SUMF2: variants seen among roughly 807,000 people sequenced by gnomAD.
The protein encoded by SUMF2 is inactive C-alpha-formylglycine-generating enzyme 2.
SUMF2 carries 45 observed loss-of-function variants against 44.8 expected under a neutral mutation model. That is an observed-to-expected ratio of 1.00 (90% CI 0.79 to 1.29). SUMF2 has a LOEUF of 1.29. SUMF2 is among the 50% of genes most tolerant of loss of function. The pLI is 0.00. For missense variants in SUMF2, 418 were observed against 389.9 expected (o/e 1.07, Z -0.61); for synonymous variants, 148 against 150.4 (o/e 0.98, Z 0.12).
chr7:56,082,056 C>G (rs367729730), downstream of SUMF2: 3 of 1,611,252 alleles, frequency 1.9e-6, no homozygotes, highest in Non-Finnish European at 2.5e-6. Context: ...CCTGGACATG[C>G]GAGGGCCCAG....
rs780253252 is a variant in SUMF2, at chr7:56,078,130, A to G, written c.620A>G (p.Glu207Gly). The change falls in exon 7 of 9, where the codon GAG (glutamate) becomes GGG (glycine). Residue 207 changes from glutamate to glycine, a missense_variant. Coordinates refer to ENST00000434526, the MANE Select transcript of SUMF2 (RefSeq NM_015411.4). ...QGKFPKGDKA[E>G]DGFHGVSPVN... ...AAGTTCCCCAAGGGAGACAAAGCTG[A>G]GGATGGCTTCCATGGAGTCTCCCCA... The G allele has an allele frequency of 6.2e-7, 1 of 1,612,920 alleles. No individual in the cohort carries two copies. The highest frequency in any genetic ancestry group is 1.1e-5 in the South Asian group (1 of 91,036).
the SUMF2 span, chr7:56,087,622 T>C: frequency 6.2e-7 from 1 of 1,613,850 alleles, no homozygotes; most frequent in Non-Finnish European, 8.5e-7. Context: ...CCTGAGACCT[T>C]GCGCAGGATG....
intron 2 of SUMF2, among the ~76,000 whole-genome samples, chr7:56,071,416 G>C (rs1795144645): frequency 1.3e-5 from 2 of 152,022 alleles, no homozygotes; most frequent in African/African-American, 4.8e-5. Flanking sequence ...TTGAACCCAG[G>C]AGGTCGATGC....
chr7:56,076,268 C>T (rs1178375308), intron 5 of SUMF2, among the ~76,000 whole-genome samples: 6 of 152,128 alleles, frequency 3.9e-5, no homozygotes, highest in African/African-American at 1.4e-4. Context: ...CCTCCTGATC[C>T]GTCTGCCTTG....
At chr7:56,074,451 T>G in intron 4 of SUMF2, 135 bp from the exon 5 acceptor site, 2 of 1,225,034 alleles carry the variant, frequency 1.6e-6, no homozygotes, top group Non-Finnish European at 2.3e-6. Flanking sequence ...CTCCGACCAC[T>G]GGTCACTCAC....
intron 1 of SUMF2, among the ~76,000 whole-genome samples, chr7:56,066,719 C>A (rs1375297149): frequency 6.6e-6 from 1 of 152,244 alleles, no homozygotes; most frequent in Non-Finnish European, 1.5e-5. Flanking sequence ...CTCCCGGGTG[C>A]AAGCGATTCT....
chr7:56,086,249 A>G, the SUMF2 span, among the ~76,000 whole-genome samples: 1 of 151,962 alleles, frequency 6.6e-6, no homozygotes, highest in Non-Finnish European at 1.5e-5. Flanking sequence ...CCCCCAGTGG[A>G]TGCCTGAAAC....
intron 1 of SUMF2, among the ~76,000 whole-genome samples, chr7:56,067,699 C>T (rs1301629379): frequency 6.6e-6 from 1 of 151,864 alleles, no homozygotes; most frequent in Non-Finnish European, 1.5e-5. Flanking sequence ...TTGAGACCAG[C>T]CTGGGCGACA....
chr7:56,084,109 G>T (rs935662203), downstream of SUMF2: 1 of 1,121,184 alleles, frequency 8.9e-7, no homozygotes, highest in Non-Finnish European at 1.3e-6. Context: ...AGTGACCAGG[G>T]AAGCAATGGG....
At chr7:56,082,736 A>G (rs1796071325), downstream of SUMF2, among the ~76,000 whole-genome samples, 1 of 152,140 alleles carries the variant, frequency 6.6e-6, no homozygotes, top group Non-Finnish European at 1.5e-5. Context: ...CTCATGGCCC[A>G]TTGCTTCCCT....
At chr7:56,083,585 A>AC, downstream of SUMF2, 1 of 1,500,598 alleles carries the variant, frequency 6.7e-7, no homozygotes, top group South Asian at 1.2e-5. Context: ...CTCCCCTGAG[A>AC]CCCCAGTGCC....
chr7:56,083,142 C>T (rs982358560), downstream of SUMF2: 14 of 717,138 alleles, frequency 2.0e-5, no homozygotes, highest in African/African-American at 2.2e-4. Context: ...AAAAAAAAAT[C>T]CCTAGCCCTT....
In SUMF2 at chr7:56,080,620, T is replaced by G. The variant is rs1226287656; in HGVS notation, c.*1008T>G. The G allele has an allele frequency of 7.3e-5, 15 of 206,550 alleles. No individual in the cohort carries two copies. 12.8% of individuals were successfully genotyped at this position (206,550 alleles called of 1,614,324 possible). On this transcript the variant is annotated 3_prime_UTR_variant, in exon 9 of 9. Coordinates refer to ENST00000434526, the MANE Select transcript of SUMF2 (RefSeq NM_015411.4). Reference sequence around the variant, plus strand: ...CCTGGAGAGTAGCCTGCTCCCACACTGTCACTGGATGTCATGGGGCCAATA... The same window carrying G: ...CCTGGAGAGTAGCCTGCTCCCACACGGTCACTGGATGTCATGGGGCCAATA...
Position 56,078,202 on chromosome 7 carries a change from G to A in SUMF2, c.676+16G>A, listed in dbSNP as rs1795698420. ...AACAACTACGGTAAGAGCTGTCTTG[G>A]GCTTGCGGCTGTGCCCATGAACTGG... is the stretch of plus-strand genomic sequence containing the variant. On this transcript the variant is annotated intron_variant, in intron 7 of 8. Transcript: ENST00000434526. 1 of 1,603,476 alleles carries A rather than the reference G, an allele frequency of 6.2e-7. No homozygotes were observed.
chr7:56,083,557 G>C, downstream of SUMF2: 1 of 1,501,412 alleles, frequency 6.7e-7, no homozygotes, highest in South Asian at 1.1e-5. Context: ...GCCCAGCCCA[G>C]ACATGTGCAC....
At chr7:56,076,939 A>C in intron 6 of SUMF2, 50 bp downstream of exon 6, 1 of 1,560,960 alleles carries the variant, frequency 6.4e-7, no homozygotes, top group South Asian at 1.2e-5. Flanking sequence ...GACCTGCTGG[A>C]GGCTGGGCAC....
the SUMF2 span, chr7:56,086,929 G>A: frequency 4.8e-5 from 73 of 1,526,758 alleles, no homozygotes; most frequent in East Asian, 1.6e-3. Flanking sequence ...AGCAGTCGGA[G>A]GTTCTCTCAG....
At chr7:56,077,818 A>C (rs1156887475) in intron 6 of SUMF2, among the ~76,000 whole-genome samples, 1 of 151,990 alleles carries the variant, frequency 6.6e-6, no homozygotes, top group Non-Finnish European at 1.5e-5. Context: ...TTCCAGGCAG[A>C]GGGCAGGATG....
At chr7:56,078,025 T>G (rs920393587) in intron 6 of SUMF2, 77 bp from the exon 7 acceptor site, 32 of 1,266,406 alleles carry the variant, frequency 2.5e-5, no homozygotes, top group Non-Finnish European at 1.7e-5. Flanking sequence ...AAGACGACCT[T>G]GGTTTTCCTC....
Sources: gnomAD v4.1 joint callset for allele counts (sites outside exome capture counted in the v4.1 genomes callset) on GRCh38, gnomAD v4.1.1 for gene constraint, MANE v1.5 for transcripts, NCBI Gene and HGNC (gene_info 2026-07-23, HGNC 2026-07-21) for gene names.